Variants in ERC1 observed in about 807,000 individuals in gnomAD.
ERC1 encodes the protein RAB6 interacting protein 2.
Under a neutral mutation model 132.0 loss-of-function variants are expected in ERC1, and 56 were observed. The ratio of observed to expected loss-of-function variants is 0.42; its 90% confidence interval spans 0.34 to 0.53. ERC1 has a LOEUF of 0.53. Ranked by LOEUF, ERC1 falls within the 20% of genes least tolerant of loss-of-function variation. The pLI is 0.03. For synonymous variants in ERC1, 478 were observed against 476.1 expected (o/e 1.00, Z -0.05); for missense variants, 1,202 against 1,349.9 (o/e 0.89, Z 1.72).
chr12:1,476,044 A>G (rs966094946), intron 18 of ERC1, among the ~76,000 whole-genome samples: 4 of 151,908 alleles, frequency 2.6e-5, no homozygotes, highest in African/African-American at 9.7e-5. Context: ...TGGGTGGATC[A>G]CACGGTCAGG....
intron 2 of ERC1, among the ~76,000 whole-genome samples, chr12:1,040,981 G>C (rs1374590204): frequency 1.3e-5 from 2 of 152,094 alleles, no homozygotes; most frequent in African/African-American, 4.8e-5. Context: ...AGAGTCCTCT[G>C]TAGCAGTAAT....
chr12:1,460,535 T>C (rs1191431398), intron 18 of ERC1, among the ~76,000 whole-genome samples: 1 of 152,192 alleles, frequency 6.6e-6, no homozygotes, highest in Non-Finnish European at 1.5e-5. Flanking sequence ...CAGTGTTTAA[T>C]TGTAAACATT....
At chr12:1,341,074 T>C (rs1346487008) in intron 15 of ERC1, among the ~76,000 whole-genome samples, 5 of 10,974 alleles carry the variant, frequency 4.6e-4, no homozygotes, top group African/African-American at 1.2e-3. Context: ...TTTTTCTTTT[T>C]TTTTTTTTTT....
At chr12:1,175,377 T>G (rs1439898234) in intron 8 of ERC1, among the ~76,000 whole-genome samples, 1 of 152,130 alleles carries the variant, frequency 6.6e-6, no homozygotes, top group East Asian at 1.9e-4. Flanking sequence ...GTGGCACTGC[T>G]TCATCAACTA....
chr12:1,094,902 C>A (rs1943813537), intron 3 of ERC1, among the ~76,000 whole-genome samples: 1 of 152,028 alleles, frequency 6.6e-6, no homozygotes, highest in Non-Finnish European at 1.5e-5. Flanking sequence ...TTATTTCTGT[C>A]TCCGCTGTGT....
intron 12 of ERC1, among the ~76,000 whole-genome samples, chr12:1,228,414 T>C (rs1434440623): frequency 3.1e-5 from 2 of 63,884 alleles, no homozygotes; most frequent in Non-Finnish European, 6.0e-5. Flanking sequence ...CTGAACTTAC[T>C]ATAATAGTTT....
chr12:1,121,664 T>C (rs1947118479), intron 7 of ERC1, among the ~76,000 whole-genome samples: 1 of 14,332 alleles, frequency 7.0e-5, no homozygotes, highest in South Asian at 0.011. Flanking sequence ...TCTCTATCTC[T>C]ATCTCTATCT....
rs147481228 is a variant in ERC1, at chr12:1,348,407, C to T, written c.2781-23426C>T. Reference sequence around the variant, plus strand: ...AGGGGAAAAAATGTATAATGTCCAGCCAGGCGCAGTGGCTCACGCCTGTCA... The same window carrying T: ...AGGGGAAAAAATGTATAATGTCCAGTCAGGCGCAGTGGCTCACGCCTGTCA... On this transcript the variant is annotated intron_variant, in intron 15 of 18. Transcript: ENST00000360905. 8.1e-4 allele frequency among the ~76,000 whole-genome samples: 123 copies of T among 152,234 alleles called. 1 individual carries two copies. In the East Asian group the frequency reaches 0.015, roughly 19 times the overall value.
chr12:1,248,379 C>T lies in ERC1; in HGVS notation c.2487+11475C>T, dbSNP rs536996803. On this transcript the variant is annotated intron_variant, in intron 13 of 18. Coordinates refer to ENST00000360905, the MANE Select transcript of ERC1 (RefSeq NM_178040.4). ...AGGGTAAGTACTACAAAGAAATAAA[C>T]AGGACACTGTGATAGATGATGGGGG... is the stretch of plus-strand genomic sequence containing the variant. Among the ~76,000 whole-genome samples, 46 of 152,144 alleles carry T rather than the reference C, an allele frequency of 3.0e-4. No individual in the cohort carries two copies. In the South Asian group the frequency reaches 3.5e-3, roughly 12 times the overall value.
At chr12:1,298,845 G>A (rs1055872614) in intron 15 of ERC1, among the ~76,000 whole-genome samples, 15 of 151,302 alleles carry the variant, frequency 9.9e-5, no homozygotes, top group African/African-American at 1.7e-4. Flanking sequence ...TGGAATTAAC[G>A]GAAAAAGGTA....
intron 2 of ERC1, among the ~76,000 whole-genome samples, chr12:1,039,410 GCCC>G (rs1969788530): frequency 1.3e-5 from 2 of 151,240 alleles, no homozygotes; most frequent in Non-Finnish European, 2.9e-5. Context: ...TGTGCCTGTA[GCCC>G]CAGCTACTTG....
At chr12:1,044,208 C>A (rs1326307636) in intron 2 of ERC1, among the ~76,000 whole-genome samples, 1 of 152,190 alleles carries the variant, frequency 6.6e-6, no homozygotes, top group African/African-American at 2.4e-5. Context: ...GTTTTGAATG[C>A]CAGTTTCCTC....
At position 1,490,506 on chromosome 12, in the gene ERC1, A is replaced by C. The variant is rs1352256626; in HGVS notation, c.*276A>C. The C allele has an allele frequency of 1.5e-5, 6 of 391,538 alleles. No homozygotes were observed. Among genetic ancestry groups the C allele is most frequent in the South Asian group, 9.8e-5 (2 of 20,412 alleles). The allele number at this position is 391,538 out of a possible 1,614,324, so 24.3% of individuals were successfully genotyped here. ...ACTGCCACCTGGTCATCAGCAGTGG[A>C]GAACTGTGGGAGCTGGTGGCTCTGC... On this transcript the variant is annotated 3_prime_UTR_variant, in exon 19 of 19. Coordinates refer to ENST00000360905, the MANE Select transcript of ERC1 (RefSeq NM_178040.4).
chr12:1,112,369 C>T (rs557872653), intron 6 of ERC1, 71 bp downstream of exon 6: 2 of 1,117,062 alleles, frequency 1.8e-6, no homozygotes, highest in Admixed American at 3.7e-5. Flanking sequence ...TCTATGGCTT[C>T]TGGGTGGCTT....
chr12:1,235,359 G>A (rs922629945), intron 12 of ERC1, among the ~76,000 whole-genome samples: 2 of 151,958 alleles, frequency 1.3e-5, no homozygotes, highest in Non-Finnish European at 2.9e-5. Flanking sequence ...ATCCCATCTC[G>A]GAAGAAAAAT....
At chr12:1,165,508 G>A (rs923545503) in intron 8 of ERC1, among the ~76,000 whole-genome samples, 5 of 151,968 alleles carry the variant, frequency 3.3e-5, no homozygotes, top group African/African-American at 4.8e-5. Context: ...GGGTTTCACC[G>A]TGTTAGCCAA....
intron 15 of ERC1, among the ~76,000 whole-genome samples, chr12:1,335,449 A>AT (rs761586141): frequency 2.0e-4 from 30 of 152,160 alleles, no homozygotes; most frequent in Non-Finnish European, 2.9e-4. Context: ...GCAATGTTGA[A>AT]TTTTATCGAA....
chr12:991,538 G>GGGGCGGGCCCCACCCA (rs1959252779), intron 1 of ERC1: 1 of 152,222 alleles, frequency 6.6e-6, no homozygotes, highest in South Asian at 2.1e-4. Context: ...GGGGTGGGGA[G>GGGGCGGGCCCCACCCA]GGGCGGGCCC....
chr12:1,262,486 T>G (rs539657751), intron 13 of ERC1, among the ~76,000 whole-genome samples: 2 of 152,374 alleles, frequency 1.3e-5, no homozygotes, highest in Admixed American at 1.3e-4. Context: ...CCTATGAGAT[T>G]ATGAGAAAAC....
Sources: gnomAD v4.1 joint callset for allele counts (sites outside exome capture counted in the v4.1 genomes callset) on GRCh38, gnomAD v4.1.1 for gene constraint, MANE v1.5 for transcripts, NCBI Gene and HGNC (gene_info 2026-07-23, HGNC 2026-07-21) for gene names.